ANKRD28: variants seen among roughly 807,000 people sequenced by gnomAD.
The protein encoded by ANKRD28 is ankyrin repeat domain 28.
ANKRD28 carries 44 observed loss-of-function variants against 126.5 expected under a neutral mutation model. That is an observed-to-expected ratio of 0.35 (90% confidence interval 0.27 to 0.45). The LOEUF (loss-of-function observed/expected upper bound fraction) is 0.45, where lower values mean the gene tolerates loss of function less well. ANKRD28 is among the 20% of genes least tolerant of loss of function. The pLI is 1.00. For synonymous variants in ANKRD28, 442 were observed against 468.5 expected (o/e 0.94, Z 0.73); for missense variants, 1,110 against 1,316.6 (o/e 0.84, Z 2.43).
chr3:15,848,328 T>C (rs1472748495), intron 1 of ANKRD28, among the ~76,000 whole-genome samples: 1 of 152,178 alleles, frequency 6.6e-6, no homozygotes, highest in Non-Finnish European at 1.5e-5. Flanking sequence ...AAACTTTCAT[T>C]ATACCCAAAT....
intron 21 of ANKRD28, among the ~76,000 whole-genome samples, chr3:15,681,527 T>C (rs961310719): frequency 6.6e-6 from 1 of 152,256 alleles, no homozygotes; most frequent in Non-Finnish European, 1.5e-5. Flanking sequence ...ATTTGGGATC[T>C]ACTTTAGGAA....
At chr3:15,807,050 C>T (rs182390268) in intron 1 of ANKRD28, among the ~76,000 whole-genome samples, 13 of 152,300 alleles carry the variant, frequency 8.5e-5, no homozygotes, top group East Asian at 7.7e-4. Flanking sequence ...ATATGACCTA[C>T]GCTCCTTTCA....
intron 2 of ANKRD28, among the ~76,000 whole-genome samples, chr3:15,770,037 TAAAA>T (rs77413206): frequency 7.5e-6 from 1 of 133,416 alleles, no homozygotes; most frequent in Non-Finnish European, 1.6e-5. Context: ...TGGTCTAACT[TAAAA>T]AAAAAAAAAA....
At chr3:15,778,830 A>T (rs2059415875) in intron 2 of ANKRD28, among the ~76,000 whole-genome samples, 1 of 152,160 alleles carries the variant, frequency 6.6e-6, no homozygotes, top group Admixed American at 6.5e-5. Flanking sequence ...CCTACGTGTC[A>T]AGGATGGGAC....
intron 4 of ANKRD28, among the ~76,000 whole-genome samples, chr3:15,744,140 C>G (rs749617507): frequency 6.6e-6 from 1 of 152,188 alleles, no homozygotes; most frequent in Non-Finnish European, 1.5e-5. Context: ...ACTCTTGACA[C>G]TAATGACTAG....
At chr3:15,849,036 A>G (rs1337789763) in intron 1 of ANKRD28, among the ~76,000 whole-genome samples, 1 of 152,240 alleles carries the variant, frequency 6.6e-6, no homozygotes, top group Non-Finnish European at 1.5e-5. Context: ...ATTTCTATAT[A>G]TTACCAATAA....
chr3:15,768,349 C>CA (rs1174499507), intron 2 of ANKRD28, among the ~76,000 whole-genome samples: 2 of 151,942 alleles, frequency 1.3e-5, no homozygotes, highest in Non-Finnish European at 2.9e-5. Flanking sequence ...ACAGGCAATC[C>CA]AAAAAAGGCT....
At chr3:15,681,667 A>G (rs2067560335) in intron 21 of ANKRD28, among the ~76,000 whole-genome samples, 1 of 152,194 alleles carries the variant, frequency 6.6e-6, no homozygotes, top group Admixed American at 6.5e-5. Flanking sequence ...ATAATTGTGG[A>G]AAAGTAATTT....
intron 14 of ANKRD28, among the ~76,000 whole-genome samples, chr3:15,704,718 T>G (rs1044643246): frequency 6.6e-6 from 1 of 152,150 alleles, no homozygotes; most frequent in Non-Finnish European, 1.5e-5. Flanking sequence ...TTTTACAATT[T>G]AAGAAAAATA....
chr3:15,756,513 T>C, intron 3 of ANKRD28: 2 of 985,416 alleles, frequency 2.0e-6, no homozygotes, highest in Non-Finnish European at 2.4e-6. Flanking sequence ...CAGCCAGCAA[T>C]GCAGCTGAAG....
intron 20 of ANKRD28, among the ~76,000 whole-genome samples, chr3:15,685,728 T>G (rs2068035794): frequency 6.6e-6 from 1 of 152,170 alleles, no homozygotes; most frequent in African/African-American, 2.4e-5. Context: ...TTAAAGTGTA[T>G]AAGAAAATAA....
intron 6 of ANKRD28, among the ~76,000 whole-genome samples, chr3:15,728,054 T>C (rs1413089036): frequency 1.3e-5 from 2 of 152,180 alleles, no homozygotes; most frequent in Middle Eastern, 3.2e-3. Context: ...TTTCAAGGAA[T>C]TGCCACAGCC....
chr3:15,771,952 T>C (rs184620201), intron 2 of ANKRD28, among the ~76,000 whole-genome samples: 3 of 152,246 alleles, frequency 2.0e-5, no homozygotes, highest in African/African-American at 7.2e-5. Context: ...AGTAGTAAAG[T>C]AGAATAAATG....
At chr3:15,733,476 G>A (rs1014921701) in intron 6 of ANKRD28, 5 of 151,966 alleles carry the variant, frequency 3.3e-5, no homozygotes, top group Admixed American at 1.3e-4. Context: ...TCTTTTCTGT[G>A]GACATACTGT....
At chr3:15,805,775 T>G (rs2125866711) in intron 1 of ANKRD28, among the ~76,000 whole-genome samples, 1 of 152,278 alleles carries the variant, frequency 6.6e-6, no homozygotes, top group African/African-American at 2.4e-5. Flanking sequence ...AAATTTTCAG[T>G]TTTAAAATAA....
At chr3:15,679,259 T>C (rs1446970760) in intron 23 of ANKRD28, 42 bp downstream of exon 23, 1 of 1,567,544 alleles carries the variant, frequency 6.4e-7, no homozygotes, top group Non-Finnish European at 8.8e-7. Flanking sequence ...CATGAGCCAC[T>C]GTGCCTGGCT....
intron 1 of ANKRD28, among the ~76,000 whole-genome samples, 167 bp from the exon 2 acceptor site, chr3:15,795,473 T>C (rs73817116): frequency 0.041 from 6,186 of 151,854 alleles, 398 homozygotes; most frequent in African/African-American, 0.14. Flanking sequence ...ACAGGATTCC[T>C]ACTTGGAAAA....
At chr3:15,768,221 T>C (rs1046411227) in intron 2 of ANKRD28, among the ~76,000 whole-genome samples, 1 of 152,206 alleles carries the variant, frequency 6.6e-6, no homozygotes, top group Non-Finnish European at 1.5e-5. Flanking sequence ...AAATTATACT[T>C]CATTTTGTAA....
At chr3:15,721,731 A>G (rs1018288343) in intron 7 of ANKRD28, among the ~76,000 whole-genome samples, 2 of 152,148 alleles carry the variant, frequency 1.3e-5, no homozygotes, top group Non-Finnish European at 1.5e-5. Context: ...GAAACAATTC[A>G]TGTAATTAAG....
Sources: allele counts gnomAD v4.1 joint callset (sites outside exome capture counted in the v4.1 genomes callset), GRCh38; gene constraint gnomAD v4.1.1; transcripts MANE v1.5; gene names NCBI Gene and HGNC (gene_info 2026-07-23, HGNC 2026-07-21).